USP34: variants seen among roughly 807,000 people sequenced by gnomAD.
The protein encoded by USP34 is ubiquitin specific peptidase 34.
Under a neutral mutation model 460.3 loss-of-function variants are expected in USP34, and 70 were observed. The observed-to-expected ratio is 0.15, with a 90% CI of 0.13 to 0.19. The LOEUF (loss-of-function observed/expected upper bound fraction) is 0.19, where lower values mean the gene tolerates loss of function less well. Ranked by LOEUF, USP34 falls within the 10% of genes least tolerant of loss-of-function variation. USP34 has a pLI of 1.00. For missense variants in USP34, 3,985 were observed against 4,236.2 expected, an observed-to-expected ratio of 0.94 and a Z score of 1.65; for synonymous variants, 1,647 against 1,405.3, an observed-to-expected ratio of 1.17 and a Z score of -3.85.
intron 8 of USP34, among the ~76,000 whole-genome samples, chr2:61,372,830 T>A (rs534901951): frequency 6.6e-6 from 1 of 152,268 alleles, no homozygotes; most frequent in South Asian, 2.1e-4. Flanking sequence ...GGGGTCAAAG[T>A]GGGAAGAGGT....
intron 3 of USP34, among the ~76,000 whole-genome samples, chr2:61,398,336 G>A (rs935249959): frequency 6.6e-6 from 1 of 151,472 alleles, no homozygotes; most frequent in South Asian, 2.1e-4. Context: ...CACTGCACTC[G>A]ATCATGAGTG....
intron 53 of USP34, among the ~76,000 whole-genome samples, chr2:61,236,948 A>G (rs1456341873): frequency 6.6e-6 from 1 of 152,100 alleles, no homozygotes; most frequent in Non-Finnish European, 1.5e-5. Context: ...TGATATTACT[A>G]GCTGTTTTTT....
chr2:61,412,562 A>G (rs956319340), intron 2 of USP34, among the ~76,000 whole-genome samples: 2 of 152,056 alleles, frequency 1.3e-5, no homozygotes, highest in Non-Finnish European at 2.9e-5. Context: ...GGGAAAAATG[A>G]AATCTCCCAC....
chr2:61,454,172 TGTCACCCAGG>T (rs1302640977), intron 1 of USP34, among the ~76,000 whole-genome samples: 1 of 152,212 alleles, frequency 6.6e-6, no homozygotes, highest in Non-Finnish European at 1.5e-5. Flanking sequence ...AGTCTCCCTC[TGTCACCCAGG>T]GGTGTGATCT....
intron 1 of USP34, among the ~76,000 whole-genome samples, chr2:61,421,203 A>C (rs915051370): frequency 6.6e-6 from 1 of 152,200 alleles, no homozygotes; most frequent in Admixed American, 6.5e-5. Context: ...AGAAGGCAGG[A>C]GGAGAGACCA....
chr2:61,382,376 T>A (rs1692999226), intron 6 of USP34, among the ~76,000 whole-genome samples: 1 of 152,220 alleles, frequency 6.6e-6, no homozygotes, highest in African/African-American at 2.4e-5. Flanking sequence ...GCTTCTAGTT[T>A]GTGTCATATG....
At position 61,374,757 on chromosome 2, in the gene USP34, C is replaced by T. The variant is rs1164573293; in HGVS notation, c.1076+3606G>A. On this transcript the variant is annotated intron_variant, in intron 8 of 79. Coordinates refer to ENST00000398571, the MANE Select transcript of USP34 (RefSeq NM_014709.4). ...CTAATTTTTGTATTTTTAGTAGAGA[C>T]GGGGTTTCGCCATGTTGCCCAGGCT... Among the ~76,000 whole-genome samples the T allele has an allele frequency of 3.9e-5, 6 of 151,966 alleles. No individual in the cohort carries two copies. In the East Asian group the frequency reaches 1.2e-3, roughly 29 times the overall value.
intron 2 of USP34, among the ~76,000 whole-genome samples, chr2:61,409,088 C>T (rs1483168211): frequency 6.6e-6 from 1 of 151,780 alleles, no homozygotes; most frequent in Non-Finnish European, 1.5e-5. Context: ...GGCATGGTGG[C>T]ACACACCTGT....
At chr2:61,470,580 G>C (rs1695925643) in intron 1 of USP34, 70 bp downstream of exon 1, 2 of 1,105,496 alleles carry the variant, frequency 1.8e-6, no homozygotes, top group Non-Finnish European at 2.7e-6. Flanking sequence ...GCGGCAGCCC[G>C]GGGAGGCCAG....
intron 22 of USP34, 33 bp from the exon 23 acceptor site, chr2:61,317,800 T>TAA: frequency 6.7e-7 from 1 of 1,491,532 alleles, no homozygotes; most frequent in Non-Finnish European, 9.3e-7. Flanking sequence ...ACAAAGCTAA[T>TAA]TTAGTGTGGT....
intron 2 of USP34, among the ~76,000 whole-genome samples, chr2:61,413,166 C>G (rs948423745): frequency 1.3e-5 from 2 of 151,968 alleles, no homozygotes; most frequent in African/African-American, 4.8e-5. Context: ...AAGGCTGAGG[C>G]GGGCAGATCA....
chr2:61,278,913 T>A (rs913900077), intron 39 of USP34, among the ~76,000 whole-genome samples: 1 of 152,202 alleles, frequency 6.6e-6, no homozygotes, highest in Admixed American at 6.5e-5. Flanking sequence ...AACAATAAAC[T>A]AAATTCTACA....
At chr2:61,443,923 C>T (rs953039701) in intron 1 of USP34, among the ~76,000 whole-genome samples, 2 of 151,934 alleles carry the variant, frequency 1.3e-5, no homozygotes, top group Admixed American at 6.6e-5. Context: ...GGTGGCATAC[C>T]GGAAATATCT....
At chr2:61,231,106 C>T (rs1332780519) in intron 58 of USP34, among the ~76,000 whole-genome samples, 1 of 152,026 alleles carries the variant, frequency 6.6e-6, no homozygotes, top group African/African-American at 2.4e-5. Flanking sequence ...ATGAATAAAT[C>T]CTGAAAAGAT....
chr2:61,187,489 T>A lies in USP34; in HGVS notation c.*613A>T. 1 of 970,928 alleles carries A rather than the reference T, an allele frequency of 1.0e-6. No homozygotes were observed. Among genetic ancestry groups the A allele is most frequent in the African/African-American group, 2.0e-5 (1 of 51,160 alleles). 60.1% of individuals were successfully genotyped at this position (970,928 alleles called of 1,614,324 possible). On this transcript the variant is annotated 3_prime_UTR_variant, in exon 80 of 80. Coordinates refer to ENST00000398571, the MANE Select transcript of USP34 (RefSeq NM_014709.4). ...GAAAAGTCATCACAATCAGTTTAAT[T>A]AAGTGCACAGAATAGCAATCAATCA...
chr2:61,264,941 G>A (rs1339783279), intron 43 of USP34, among the ~76,000 whole-genome samples: 2 of 152,078 alleles, frequency 1.3e-5, no homozygotes, highest in Admixed American at 6.5e-5. Context: ...ATGAAGCAGA[G>A]CTTACACAAA....
intron 1 of USP34, among the ~76,000 whole-genome samples, chr2:61,456,534 G>A (rs1177041388): frequency 2.0e-5 from 3 of 152,148 alleles, no homozygotes; most frequent in Non-Finnish European, 2.9e-5. Context: ...TGGTGCAGTA[G>A]TGCTGGGCAC....
intron 1 of USP34, among the ~76,000 whole-genome samples, chr2:61,430,596 C>A (rs1199573505): frequency 6.6e-6 from 1 of 152,098 alleles, no homozygotes; most frequent in African/African-American, 2.4e-5. Context: ...CATACCCTTA[C>A]AATAGACTAA....
intron 1 of USP34, among the ~76,000 whole-genome samples, chr2:61,467,617 GTTTTTTT>G (rs3980937): frequency 3.8e-5 from 4 of 106,022 alleles, no homozygotes; most frequent in South Asian, 6.7e-4. Flanking sequence ...CTGTAACTTT[GTTTTTTT>G]TTTTTTTTTT....
Sources: allele counts gnomAD v4.1 joint callset (sites outside exome capture counted in the v4.1 genomes callset), GRCh38; gene constraint gnomAD v4.1.1; transcripts MANE v1.5; gene names NCBI Gene and HGNC (gene_info 2026-07-23, HGNC 2026-07-21).